CISD1: variants seen among roughly 807,000 people sequenced by gnomAD.
CISD1 encodes CDGSH iron sulfur domain 1.
CISD1 carries 8 observed loss-of-function variants against 12.0 expected under a neutral mutation model. The observed-to-expected ratio is 0.67, with a 90% confidence interval of 0.39 to 1.20. The LOEUF (loss-of-function observed/expected upper bound fraction) is 1.20, where lower values mean the gene tolerates loss of function less well. Among genes scored for constraint, CISD1 ranks in the 50% most tolerant of loss-of-function variants. The pLI, the probability that CISD1 is intolerant of heterozygous loss-of-function variation, is 0.01. For missense variants in CISD1, 107 were observed against 132.7 expected (o/e 0.81, Z 0.95); for synonymous variants, 38 against 42.2 (o/e 0.90, Z 0.39).
At chr10:58,275,199 A>G (rs1588980361) in intron 1 of CISD1, among the ~76,000 whole-genome samples, 1 of 152,224 alleles carries the variant, frequency 6.6e-6, no homozygotes, top group African/African-American at 2.4e-5. Context: ...TGTGGTGCAT[A>G]TACTATGCAA....
chr10:58,284,508 C>A (rs750943737), intron 2 of CISD1, among the ~76,000 whole-genome samples: 3 of 152,162 alleles, frequency 2.0e-5, no homozygotes, highest in Admixed American at 6.5e-5. Context: ...AAGCTTTATA[C>A]ACTTTAATCG....
rs752579316 is a variant in CISD1, at chr10:58,277,203, C to G, written c.118C>G (p.Arg40Gly). ...CAAAAGATTTTATGTTAAAGATCAT[C>G]GAAATAAAGCTATGATAAACCTTCA... ...AYKRFYVKDHRNKAMINLHIQ... is the reference protein window; with the variant it reads ...AYKRFYVKDHGNKAMINLHIQ... Residue 40 changes from arginine to glycine, a missense_variant, in exon 2 of 3, where the codon CGA becomes GGA. Physicochemically the swap from Arg to Gly is moderately radical, Grantham distance 125 (BLOSUM62 -2). Transcript: ENST00000333926. 1.2e-6 allele frequency: 2 copies of G among 1,612,334 alleles called. No homozygotes were observed. Among genetic ancestry groups the G allele is most frequent in the Non-Finnish European group, 8.5e-7 (1 of 1,179,032 alleles).
At chr10:58,286,325 A>G (rs138975969) in intron 2 of CISD1, among the ~76,000 whole-genome samples, 11 of 152,324 alleles carry the variant, frequency 7.2e-5, no homozygotes, top group African/African-American at 2.6e-4. Flanking sequence ...CATAGAACCT[A>G]TAAATAGGTG....
chr10:58,284,754 T>C (rs940475391), intron 2 of CISD1, among the ~76,000 whole-genome samples: 2 of 152,170 alleles, frequency 1.3e-5, no homozygotes, highest in Non-Finnish European at 2.9e-5. Context: ...AGGAAAATAA[T>C]TTGAGAAAAT....
At chr10:58,270,960 C>A (rs1307450116) in intron 1 of CISD1, among the ~76,000 whole-genome samples, 1 of 151,968 alleles carries the variant, frequency 6.6e-6, no homozygotes, top group African/African-American at 2.4e-5. Context: ...AACTTCTGGG[C>A]CCAAGCCATC....
chr10:58,280,983 A>G (rs547988865), intron 2 of CISD1, among the ~76,000 whole-genome samples: 1 of 152,244 alleles, frequency 6.6e-6, no homozygotes, highest in South Asian at 2.1e-4. Flanking sequence ...AGTCTATGTC[A>G]TATTTTCCGT....
intron 1 of CISD1, among the ~76,000 whole-genome samples, chr10:58,270,215 T>C (rs1208479767): frequency 6.6e-6 from 1 of 152,216 alleles, no homozygotes; most frequent in Non-Finnish European, 1.5e-5. Flanking sequence ...AAAAAGTCCC[T>C]ACTAACTTGA....
chr10:58,284,436 T>C (rs1474348775), intron 2 of CISD1, among the ~76,000 whole-genome samples: 1 of 152,180 alleles, frequency 6.6e-6, no homozygotes, highest in Non-Finnish European at 1.5e-5. Context: ...AAAAGTACTA[T>C]TAAAAAATAC....
rs551133951 is a variant in CISD1 at position 58,286,068 on chromosome 10, A to G, written c.238-1493A>G. Among the ~76,000 whole-genome samples, 753 of 151,530 alleles carry G rather than the reference A, an allele frequency of 5.0e-3. 9 individuals are homozygous for G. The highest frequency in any genetic ancestry group is 0.017 in the African/African-American group (698 of 41,440). On this transcript the variant is annotated intron_variant, in intron 2 of 2. Coordinates refer to ENST00000333926, the MANE Select transcript of CISD1 (RefSeq NM_018464.5). ...AAAATACAAAAAATTAGCCGGGCGT[A>G]GTGGCGGGCGCCTGTAGTCCCAGCT...
At chr10:58,274,323 A>G (rs2790178) in intron 1 of CISD1, among the ~76,000 whole-genome samples, 51,341 of 150,970 alleles carry the variant, frequency 0.34, 10,917 homozygotes, top group African/African-American at 0.61. Context: ...ACCTGTCATC[A>G]TTTTTGTCTA....
chr10:58,287,161 TCCAC>T (rs1366346312), intron 2 of CISD1, among the ~76,000 whole-genome samples: 1 of 152,132 alleles, frequency 6.6e-6, no homozygotes, highest in Non-Finnish European at 1.5e-5. Flanking sequence ...CCTCAAATGA[TCCAC>T]CCACCTCAAC....
In CISD1 at chr10:58,287,709, G is replaced by A; in HGVS notation, c.*59G>A. 9.1e-7 allele frequency: 1 copy of A among 1,096,942 alleles called. No homozygotes were observed. The highest frequency in any genetic ancestry group is 2.0e-5 in the Admixed American group (1 of 48,784). 68.0% of individuals were successfully genotyped at this position (1,096,942 alleles called of 1,614,324 possible). ...GTGAAGTTACCTGATTGTTTAATTA[G>A]AATGACTACCACCTCTGTCTGATTC... On this transcript the variant is annotated 3_prime_UTR_variant, in exon 3 of 3. Transcript: ENST00000333926.
At position 58,288,319 on chromosome 10, in the gene CISD1, AT is replaced by A. The variant is rs1443325130; in HGVS notation, c.*672del. ...TCCATTAAAGGAGCCAATAGTGAAA[AT>A]TTAGTTAAAGGTGATATTAGATTTA... On this transcript the variant is annotated 3_prime_UTR_variant, in exon 3 of 3. Transcript: ENST00000333926. 1 of 152,330 alleles carries A rather than the reference AT, an allele frequency of 6.6e-6. No individual in the cohort carries two copies. The highest frequency in any genetic ancestry group is 1.9e-4 in the East Asian group (1 of 5,346). 9.4% of individuals were successfully genotyped at this position (152,330 alleles called of 1,614,324 possible).
chr10:58,269,384 C>G, intron 1 of CISD1, 80 bp downstream of exon 1: 2 of 1,297,326 alleles, frequency 1.5e-6, no homozygotes, highest in Non-Finnish European at 2.2e-6. Context: ...GTTGTTTTAC[C>G]ACTGCCCTAC....
chr10:58,270,725 T>TTTTTG (rs1298946155), intron 1 of CISD1, among the ~76,000 whole-genome samples: 2 of 152,186 alleles, frequency 1.3e-5, no homozygotes, highest in African/African-American at 4.8e-5. Context: ...AAGACAAGGT[T>TTTTTG]TTTTGTTTTG....
intron 1 of CISD1, among the ~76,000 whole-genome samples, chr10:58,275,221 C>T (rs2254545): frequency 0.34 from 51,492 of 151,986 alleles, 10,967 homozygotes; most frequent in African/African-American, 0.61. Context: ...GCAGCATTTT[C>T]GCCCATTTTG....
At chr10:58,271,846 T>C (rs1199524475) in intron 1 of CISD1, among the ~76,000 whole-genome samples, 1 of 152,196 alleles carries the variant, frequency 6.6e-6, no homozygotes, top group East Asian at 1.9e-4. Flanking sequence ...ACTCTTAAGA[T>C]CCTGATCATT....
chr10:58,274,822 A>T (rs1465930900), intron 1 of CISD1, among the ~76,000 whole-genome samples: 1 of 152,202 alleles, frequency 6.6e-6, no homozygotes, highest in Non-Finnish European at 1.5e-5. Flanking sequence ...AGCTTAAAAA[A>T]AAAAGTGACC....
At chr10:58,277,876 C>T (rs1588981170) in intron 2 of CISD1, among the ~76,000 whole-genome samples, 1 of 152,140 alleles carries the variant, frequency 6.6e-6, no homozygotes, top group East Asian at 1.9e-4. Flanking sequence ...TTTGAGCTTT[C>T]AAGCACCAGA....
Sources: allele counts gnomAD v4.1 joint callset (sites outside exome capture counted in the v4.1 genomes callset), GRCh38; gene constraint gnomAD v4.1.1; transcripts MANE v1.5; gene names NCBI Gene and HGNC (gene_info 2026-07-23, HGNC 2026-07-21).